Variants in GTF2H5 observed in about 807,000 individuals in gnomAD.
GTF2H5 encodes TFB5 ortholog.
Under a neutral mutation model 7.1 loss-of-function variants are expected in GTF2H5, and 5 were observed. The observed-to-expected ratio is 0.71, with a 90% CI of 0.37 to 1.49. GTF2H5 has a LOEUF of 1.49. Ranked by LOEUF, GTF2H5 falls within the 40% of genes most tolerant of loss-of-function variation. The probability of loss-of-function intolerance (pLI) is 0.03; values close to 1 mark genes in which losing one functional copy is unlikely to be tolerated. For missense variants in GTF2H5, 80 were observed against 83.0 expected, an observed-to-expected ratio of 0.96 and a Z score of 0.14; for synonymous variants, 30 against 31.7, an observed-to-expected ratio of 0.95 and a Z score of 0.18.
In GTF2H5 at chr6:158,179,407, A is replaced by T. The variant is rs146740867; in HGVS notation, c.35+8869A>T. Among the ~76,000 whole-genome samples, 1,499 of 152,222 alleles carry T rather than the reference A, an allele frequency of 9.8e-3. 25 individuals carry two copies. Among genetic ancestry groups the T allele is most frequent in the African/African-American group, 0.034 (1,399 of 41,512 alleles). ...GAAAGTCGGTGGTAGCTTGATGGGG[A>T]TAGCATTGAATCTATAAATTACTTT... On this transcript the variant is annotated intron_variant, in intron 2 of 2. Transcript: ENST00000607778.
chr6:158,186,443 A>G (rs1003005882), intron 2 of GTF2H5, among the ~76,000 whole-genome samples: 3 of 152,368 alleles, frequency 2.0e-5, no homozygotes, highest in Non-Finnish European at 4.4e-5. Flanking sequence ...AAGTTAATCT[A>G]TCACATGCAG....
At chr6:158,175,044 G>GTATATGTGTGTGTGTGTGTGTGTA (rs1554267664) in intron 2 of GTF2H5, among the ~76,000 whole-genome samples, 8 of 142,784 alleles carry the variant, frequency 5.6e-5, no homozygotes, top group African/African-American at 2.1e-4. Context: ...GTGTGTGTGT[G>GTATATGTGTGTGTGTGTGTGTGTA]TATACACACA....
At chr6:158,169,430 T>TATTGTATATTATATATTATATATAA in intron 1 of GTF2H5, among the ~76,000 whole-genome samples, 1 of 62,258 alleles carries the variant, frequency 1.6e-5, no homozygotes, top group African/African-American at 7.5e-5. Context: ...ATATAATATA[T>TATTGTATATTATATATTATATATAA]TGTATATTAT....
At chr6:158,181,038 T>C (rs1039461806) in intron 2 of GTF2H5, among the ~76,000 whole-genome samples, 7 of 152,170 alleles carry the variant, frequency 4.6e-5, no homozygotes, top group Non-Finnish European at 8.8e-5. Flanking sequence ...TACACACTGC[T>C]TTAAATATGT....
chr6:158,173,670 C>T (rs943636370), intron 2 of GTF2H5, among the ~76,000 whole-genome samples: 3 of 152,034 alleles, frequency 2.0e-5, no homozygotes, highest in African/African-American at 7.2e-5. Context: ...AGGCTCAGCC[C>T]TGGAAGCCAA....
intron 2 of GTF2H5, among the ~76,000 whole-genome samples, chr6:158,179,588 T>C (rs2128430206): frequency 6.6e-6 from 1 of 152,346 alleles, no homozygotes; most frequent in East Asian, 1.9e-4. Context: ...AGGTATTTTA[T>C]TCTGTTAGTA....
chr6:158,182,934 G>A (rs1001310064), intron 2 of GTF2H5, among the ~76,000 whole-genome samples: 1 of 152,026 alleles, frequency 6.6e-6, no homozygotes, highest in African/African-American at 2.4e-5. Context: ...GAGGAGTTGT[G>A]TTCCTTTGGA....
At chr6:158,180,232 G>A (rs150511148) in intron 2 of GTF2H5, among the ~76,000 whole-genome samples, 22 of 152,282 alleles carry the variant, frequency 1.4e-4, no homozygotes, top group African/African-American at 3.4e-4. Flanking sequence ...TGACTTGATC[G>A]TGGTGGATAA....
intron 2 of GTF2H5, among the ~76,000 whole-genome samples, chr6:158,172,135 G>C (rs1186460408): frequency 6.6e-6 from 1 of 151,686 alleles, no homozygotes; most frequent in African/African-American, 2.4e-5. Context: ...TGAGGGTTTT[G>C]TGTTTTTCTT....
intron 2 of GTF2H5, among the ~76,000 whole-genome samples, chr6:158,186,025 T>C (rs1391771895): frequency 6.6e-6 from 1 of 152,186 alleles, no homozygotes; most frequent in Admixed American, 6.5e-5. Context: ...AAATTTTTTA[T>C]ATGACCAGTT....
chr6:158,182,645 C>T (rs1445292231), intron 2 of GTF2H5, among the ~76,000 whole-genome samples: 1 of 151,760 alleles, frequency 6.6e-6, no homozygotes, highest in African/African-American at 2.4e-5. Flanking sequence ...TCAATGATAT[C>T]CTTTCTTCTG....
At chr6:158,178,456 CA>C (rs34745319) in intron 2 of GTF2H5, among the ~76,000 whole-genome samples, 27,650 of 87,714 alleles carry the variant, frequency 0.32, 2,523 homozygotes, top group Admixed American at 0.43. Context: ...GACTCCATCT[CA>C]AAAAAAAAAA....
chr6:158,170,642 T>C (rs1785842887), intron 2 of GTF2H5, 104 bp downstream of exon 2: 3 of 851,694 alleles, frequency 3.5e-6, no homozygotes, highest in Non-Finnish European at 5.9e-6. Flanking sequence ...ATGGATGAAA[T>C]CAAGTCTTTC....
chr6:158,182,529 G>C (rs1786024825), intron 2 of GTF2H5, among the ~76,000 whole-genome samples: 1 of 151,826 alleles, frequency 6.6e-6, no homozygotes, highest in Admixed American at 6.6e-5. Flanking sequence ...ACGTAGATTT[G>C]GTCTTTTCAC....
intron 2 of GTF2H5, 151 bp from the exon 3 acceptor site, chr6:158,191,826 T>G: frequency 1.5e-6 from 1 of 681,200 alleles, no homozygotes; most frequent in Non-Finnish European, 2.6e-6. Context: ...CTATAAATTG[T>G]TAACACTTGA....
intron 2 of GTF2H5, chr6:158,190,966 A>G (rs1403101698): frequency 5.9e-6 from 3 of 510,536 alleles, no homozygotes; most frequent in Non-Finnish European, 3.9e-6. Flanking sequence ...CTTTTCCCTT[A>G]TGACTATCCT....
At chr6:158,184,707 A>G (rs1776883326) in intron 2 of GTF2H5, among the ~76,000 whole-genome samples, 1 of 152,210 alleles carries the variant, frequency 6.6e-6, no homozygotes, top group African/African-American at 2.4e-5. Context: ...AATACTTAAA[A>G]ATTTTTTAAG....
intron 1 of GTF2H5, among the ~76,000 whole-genome samples, chr6:158,169,677 TAA>T (rs1491466642): frequency 2.1e-5 from 1 of 47,126 alleles, no homozygotes; most frequent in African/African-American, 1.0e-4. Context: ...GTATATTATA[TAA>T]TATATAATAT....
At chr6:158,169,497 A>ATATGTAATATACTG (rs1562468373) in intron 1 of GTF2H5, among the ~76,000 whole-genome samples, 1 of 86,038 alleles carries the variant, frequency 1.2e-5, no homozygotes, top group African/African-American at 5.0e-5. Context: ...ATTGTATATT[A>ATATGTAATATACTG]TATAATATAT....
Sources: allele counts gnomAD v4.1 joint callset (sites outside exome capture counted in the v4.1 genomes callset), GRCh38; gene constraint gnomAD v4.1.1; transcripts MANE v1.5; gene names NCBI Gene and HGNC (gene_info 2026-07-23, HGNC 2026-07-21).